The following SND1 variants were observed in gnomAD, a reference collection of about 807,000 sequenced individuals.
The protein encoded by SND1 is staphylococcal nuclease and tudor domain containing 1.
In SND1, 38 loss-of-function variants were observed where a neutral mutation model predicts 121.7. The ratio of observed to expected loss-of-function variants is 0.31; its 90% CI spans 0.24 to 0.41. The LOEUF (loss-of-function observed/expected upper bound fraction) is 0.41. Among genes scored for constraint, SND1 ranks in the 10% least tolerant of loss-of-function variants. The pLI, the probability that SND1 is intolerant of heterozygous loss-of-function variation, is 1.00. For missense variants in SND1, 868 were observed against 1,184.6 expected, an observed-to-expected ratio of 0.73 and a Z score of 3.92; for synonymous variants, 401 against 447.4, an observed-to-expected ratio of 0.90 and a Z score of 1.31.
At chr7:127,719,731 T>C (rs1185843963) in intron 9 of SND1, among the ~76,000 whole-genome samples, 1 of 152,232 alleles carries the variant, frequency 6.6e-6, no homozygotes, top group Admixed American at 6.5e-5. Flanking sequence ...CTTTCATTAC[T>C]TTTCTGATTG....
At chr7:127,982,719 G>C (rs1207497933) in intron 15 of SND1, among the ~76,000 whole-genome samples, 2 of 152,230 alleles carry the variant, frequency 1.3e-5, no homozygotes, top group African/African-American at 4.8e-5. Context: ...TAGGAATGTG[G>C]AAATATACGC....
chr7:127,797,151 C>T (rs1455717481), intron 10 of SND1, among the ~76,000 whole-genome samples: 1 of 152,092 alleles, frequency 6.6e-6, no homozygotes, highest in Non-Finnish European at 1.5e-5. Context: ...CCTCACCCTC[C>T]CACAGTGCTG....
At chr7:127,956,821 A>T (rs1801604025) in intron 15 of SND1, among the ~76,000 whole-genome samples, 1 of 152,144 alleles carries the variant, frequency 6.6e-6, no homozygotes, top group Non-Finnish European at 1.5e-5. Context: ...TGTTTATTTT[A>T]TTAGATATTA....
intron 14 of SND1, chr7:127,928,260 T>A (rs1800885582): frequency 2.0e-5 from 3 of 152,200 alleles, no homozygotes; most frequent in Admixed American, 2.0e-4. Context: ...GAAGTAGTAT[T>A]TGTCTCCATT....
intron 15 of SND1, among the ~76,000 whole-genome samples, chr7:127,944,395 T>C (rs957015249): frequency 8.5e-5 from 13 of 152,098 alleles, no homozygotes; most frequent in Non-Finnish European, 8.8e-5. Context: ...AATGACCGAG[T>C]CTGTGCAAAG....
chr7:128,036,114 G>A (rs1463500730), intron 16 of SND1, among the ~76,000 whole-genome samples: 1 of 152,212 alleles, frequency 6.6e-6, no homozygotes, highest in Non-Finnish European at 1.5e-5. Context: ...GGGAAGGAAA[G>A]ATATCAATTG....
intron 10 of SND1, among the ~76,000 whole-genome samples, chr7:127,792,978 G>C (rs1384601900): frequency 6.6e-6 from 1 of 152,182 alleles, no homozygotes; most frequent in Non-Finnish European, 1.5e-5. Context: ...GCAGAAATGG[G>C]GTTTGCAGGT....
Position 128,029,522 on chromosome 7 carries a change from C to T in SND1, c.1779+38466C>T, listed in dbSNP as rs776979173. ...CGGAGGACATAGGGGGAGTCCGACA[C>T]TTAAGTTCTGCCATCCGACCCTCAG... On this transcript the variant is annotated intron_variant, in intron 16 of 23. Coordinates refer to ENST00000354725, the MANE Select transcript of SND1 (RefSeq NM_014390.4). This position sits in a 1 kb window ranked among gnomAD's most constrained non-coding sequence, Gnocchi z 4.2. 2.5e-6 allele frequency: 4 copies of T among 1,614,058 alleles called. No individual in the cohort carries two copies. In the Admixed American group the frequency reaches 6.7e-5, roughly 27 times the overall value.
At chr7:127,831,978 T>C (rs1798749784) in intron 11 of SND1, among the ~76,000 whole-genome samples, 3 of 152,232 alleles carry the variant, frequency 2.0e-5, no homozygotes, top group Admixed American at 6.5e-5. Flanking sequence ...TCCCTCACTT[T>C]TGTTCCCCTA....
intron 16 of SND1, among the ~76,000 whole-genome samples, chr7:128,026,325 A>C (rs955682896): frequency 6.6e-6 from 1 of 152,218 alleles, no homozygotes; most frequent in African/African-American, 2.4e-5. Flanking sequence ...GTGCCCATAC[A>C]TATGTGCTGG....
At chr7:127,920,997 T>G (rs529858056) in intron 14 of SND1, among the ~76,000 whole-genome samples, 1 of 152,332 alleles carries the variant, frequency 6.6e-6, no homozygotes, top group African/African-American at 2.4e-5. Context: ...ACAGCATAAT[T>G]TCATATGGTT....
intron 12 of SND1, among the ~76,000 whole-genome samples, chr7:127,871,852 T>C (rs1286254877): frequency 2.0e-5 from 3 of 152,046 alleles, no homozygotes; most frequent in African/African-American, 7.2e-5. Context: ...AATTATAGGC[T>C]GGGAGGAGGG....
chr7:128,080,743 T>C (rs1380587187), intron 17 of SND1, among the ~76,000 whole-genome samples: 2 of 152,178 alleles, frequency 1.3e-5, no homozygotes, highest in Non-Finnish European at 2.9e-5. Context: ...TCTTTTTTAC[T>C]CTCTGGGATG....
chr7:128,086,325 G>C (rs1793687103), intron 20 of SND1: 1 of 171,050 alleles, frequency 5.8e-6, no homozygotes, highest in East Asian at 1.6e-4. Context: ...CTGTCATTCA[G>C]GAGGGTGACG....
chr7:127,832,289 G>A (rs1000707984), intron 11 of SND1, among the ~76,000 whole-genome samples: 5 of 152,158 alleles, frequency 3.3e-5, no homozygotes, highest in Admixed American at 2.6e-4. Context: ...GGAACTGCTG[G>A]GTTAAAGGAC....
intron 10 of SND1, among the ~76,000 whole-genome samples, chr7:127,757,876 T>A (rs377659466): frequency 2.6e-5 from 4 of 152,204 alleles, no homozygotes; most frequent in African/African-American, 9.6e-5. Flanking sequence ...TTTCTGAAAA[T>A]GTTTCCTGTG....
chr7:127,767,926 G>A (rs901682996), intron 10 of SND1, among the ~76,000 whole-genome samples: 1 of 152,208 alleles, frequency 6.6e-6, no homozygotes, highest in Admixed American at 6.5e-5. Flanking sequence ...TGGTTTTGGT[G>A]TGGAAAGAGG....
intron 16 of SND1, chr7:128,030,121 T>C (rs895322257): frequency 1.9e-6 from 3 of 1,614,048 alleles, no homozygotes; most frequent in Middle Eastern, 1.6e-4. Flanking sequence ...TCCAGGCGCA[T>C]GAGGGAGGGC....
At chr7:128,032,073 C>A (rs1251364121) in intron 16 of SND1, 1 of 151,970 alleles carries the variant, frequency 6.6e-6, no homozygotes, top group Non-Finnish European at 1.5e-5. Flanking sequence ...AGACTGCTCT[C>A]TCATCCTTTT....
Sources: allele counts gnomAD v4.1 joint callset (sites outside exome capture counted in the v4.1 genomes callset), GRCh38; gene constraint gnomAD v4.1.1; non-coding constraint Gnocchi (gnomAD v3.1); transcripts MANE v1.5; gene names NCBI Gene and HGNC (gene_info 2026-07-23, HGNC 2026-07-21).